The following VWA8 variants were observed in gnomAD, a reference collection of about 807,000 sequenced individuals.
VWA8 encodes the protein von Willebrand factor A domain-containing protein 8.
In VWA8, 221 loss-of-function variants were observed where a neutral mutation model predicts 241.5. The observed-to-expected ratio is 0.91, with a 90% confidence interval of 0.82 to 1.02. The LOEUF is 1.02. Ranked by LOEUF, VWA8 falls within the 50% of genes least tolerant of loss-of-function variation. VWA8 has a pLI of 0.00. For synonymous variants in VWA8, 852 were observed against 827.1 expected (o/e 1.03, Z -0.52); for missense variants, 2,322 against 2,328.7 (o/e 1.00, Z 0.06).
chr13:41,575,655 T>TCTG, intron 43 of VWA8, 85 bp downstream of exon 43: 1 of 950,940 alleles, frequency 1.1e-6, no homozygotes, highest in Non-Finnish European at 1.6e-6. Context: ...TTCCTGTGTA[T>TCTG]CTGCTGCTGC....
At chr13:41,850,185 T>C (rs1282799217) in intron 12 of VWA8, among the ~76,000 whole-genome samples, 5 of 152,212 alleles carry the variant, frequency 3.3e-5, no homozygotes, top group African/African-American at 1.2e-4. Context: ...GTAATGTTTA[T>C]TTTTATACAC....
At chr13:41,682,389 GATC>G (rs2045106771) in intron 35 of VWA8, among the ~76,000 whole-genome samples, 1 of 152,088 alleles carries the variant, frequency 6.6e-6, no homozygotes, top group African/African-American at 2.4e-5. Flanking sequence ...ACTCAAAATG[GATC>G]ATAAATCTAA....
At position 41,701,472 on chromosome 13, in the gene VWA8, A is replaced by G. The variant is rs1444064042; in HGVS notation, c.3284T>C (p.Leu1095Pro). The G allele has an allele frequency of 6.2e-7, 1 of 1,612,366 alleles. No homozygotes were observed. The highest frequency in any genetic ancestry group is 1.3e-5 in the African/African-American group (1 of 74,984). The change falls in exon 28 of 45, where the codon CTA becomes CCA. Residue 1095 changes from leucine (L) to proline (P), a missense_variant. Leu to Pro is a moderately conservative substitution (Grantham distance 98, BLOSUM62 -3). Coordinates refer to ENST00000379310, the MANE Select transcript of VWA8 (RefSeq NM_015058.2). Reference protein sequence around the residue: ...YPIERHEERSLNFTEECASWR... With the variant: ...YPIERHEERSPNFTEECASWR... ...TGAGGCACATTCTTCAGTAAAGTTT[A>G]GGGATCTTTCTTCATGTCTTTCTAT...
At chr13:41,732,049 T>C in intron 22 of VWA8, 31 bp downstream of exon 22, 12 of 1,584,266 alleles carry the variant, frequency 7.6e-6, no homozygotes, top group Non-Finnish European at 9.5e-6. Flanking sequence ...AAAAATACAC[T>C]TGAAAATATT....
chr13:41,867,008 C>T (rs1873343099), intron 10 of VWA8, among the ~76,000 whole-genome samples: 1 of 152,072 alleles, frequency 6.6e-6, no homozygotes, highest in South Asian at 2.1e-4. Flanking sequence ...CCACACGAAC[C>T]AAAGAATTCT....
chr13:41,844,040 G>C (rs756177607), intron 12 of VWA8, among the ~76,000 whole-genome samples: 4 of 152,034 alleles, frequency 2.6e-5, no homozygotes, highest in Non-Finnish European at 5.9e-5. Flanking sequence ...AACAAAGAAA[G>C]TTAAATATAG....
chr13:41,683,093 C>T lies in VWA8; in HGVS notation c.4327+1954G>A, dbSNP rs961987849. ...AAAATGCCATTCCTAGGCATTTACTCAAAAGAAGCAAAACCTTATGTTCAC... is the reference window on the plus strand; with the variant it reads ...AAAATGCCATTCCTAGGCATTTACTTAAAAGAAGCAAAACCTTATGTTCAC... On this transcript the variant is annotated intron_variant, in intron 35 of 44. Coordinates refer to ENST00000379310, the MANE Select transcript of VWA8 (RefSeq NM_015058.2). Among the ~76,000 whole-genome samples the T allele has an allele frequency of 5.9e-5, 9 of 152,134 alleles. No individual in the cohort carries two copies. In the East Asian group the frequency reaches 1.5e-3, roughly 26 times the overall value.
In VWA8 at chr13:41,711,690, C is replaced by T. The variant is rs182650409; in HGVS notation, c.3116+7901G>A. On this transcript the variant is annotated intron_variant, in intron 26 of 44. Coordinates refer to ENST00000379310, the MANE Select transcript of VWA8 (RefSeq NM_015058.2). ...GAGATCGAGACCATCCTAGCTAACACGGTGAAACCCCGTCTCTACTAAAAA... is the reference window on the plus strand; with the variant it reads ...GAGATCGAGACCATCCTAGCTAACATGGTGAAACCCCGTCTCTACTAAAAA... Among the ~76,000 whole-genome samples, 661 of 152,086 alleles carry T rather than the reference C, an allele frequency of 4.3e-3. 3 individuals are homozygous for T. The highest frequency in any genetic ancestry group is 7.2e-3 in the Non-Finnish European group (486 of 67,950).
intron 37 of VWA8, among the ~76,000 whole-genome samples, chr13:41,650,830 T>G (rs34449929): frequency 0.04 from 6,139 of 152,146 alleles, 154 homozygotes; most frequent in South Asian, 0.078. Flanking sequence ...ACAGGCTGCA[T>G]CCAAGGAGGG....
intron 22 of VWA8, among the ~76,000 whole-genome samples, chr13:41,730,466 T>C: frequency 6.6e-6 from 1 of 151,218 alleles, no homozygotes; most frequent in Admixed American, 6.6e-5. Context: ...AAAAAGTGGT[T>C]TGGGAATCTG....
At chr13:41,671,746 C>A (rs114952188) in intron 36 of VWA8, among the ~76,000 whole-genome samples, 1 of 152,102 alleles carries the variant, frequency 6.6e-6, no homozygotes, top group Non-Finnish European at 1.5e-5. Context: ...CCTTCCCCCC[C>A]ATTCATGTTA....
chr13:41,570,469 T>C lies in VWA8; in HGVS notation c.5608A>G (p.Arg1870Gly), dbSNP rs754978387. 1.9e-6 allele frequency: 3 copies of C among 1,613,678 alleles called. No homozygotes were observed. The highest frequency in any genetic ancestry group is 2.5e-6 in the Non-Finnish European group (3 of 1,179,560). Residue 1870 changes from arginine to glycine, a missense_variant and splice_region_variant, in exon 44 of 45, where the codon AGG becomes GGG. By Grantham distance (125) the Arg-to-Gly change is moderately radical. Coordinates refer to ENST00000379310, the MANE Select transcript of VWA8 (RefSeq NM_015058.2). Reference sequence around the variant, plus strand: ...TCTGTATGCTCAGATGACACTTACCTGGTTGCTTGATCACCTAAAGAGCCA... The same window carrying C: ...TCTGTATGCTCAGATGACACTTACCCGGTTGCTTGATCACCTAAAGAGCCA... ...FIGSLGDQAT[R>G]LQRTLPAGRS...
intron 3 of VWA8, among the ~76,000 whole-genome samples, chr13:41,911,126 C>T (rs1341581719): frequency 4.0e-5 from 6 of 148,956 alleles, no homozygotes; most frequent in Non-Finnish European, 7.4e-5. Context: ...TGCAATGGCA[C>T]GATCTTGGCT....
intron 1 of VWA8, among the ~76,000 whole-genome samples, chr13:41,952,963 G>A (rs1376927800): frequency 6.6e-6 from 1 of 152,104 alleles, no homozygotes; most frequent in Non-Finnish European, 1.5e-5. Context: ...AGCAAGCAGA[G>A]AGGGTCACTG....
chr13:41,644,039 T>C (rs17637458), intron 37 of VWA8, among the ~76,000 whole-genome samples: 2 of 152,092 alleles, frequency 1.3e-5, no homozygotes, highest in African/African-American at 4.8e-5. Flanking sequence ...AAACCCAGTA[T>C]CTTTCTCCTG....
At chr13:41,882,165 G>C (rs374457144) in intron 9 of VWA8, among the ~76,000 whole-genome samples, 5 of 151,626 alleles carry the variant, frequency 3.3e-5, no homozygotes, top group Non-Finnish European at 7.4e-5. Context: ...CATCCCAGAC[G>C]GGGCGGCAGG....
chr13:41,823,389 A>C (rs1231692432), intron 14 of VWA8, among the ~76,000 whole-genome samples: 1 of 152,220 alleles, frequency 6.6e-6, no homozygotes, highest in Admixed American at 6.5e-5. Flanking sequence ...ATATAAGTAC[A>C]TCTAAGACTA....
At chr13:41,736,460 T>A (rs970536948) in intron 21 of VWA8, among the ~76,000 whole-genome samples, 12 of 152,170 alleles carry the variant, frequency 7.9e-5, no homozygotes, top group Admixed American at 2.6e-4. Context: ...AACTGGCCTC[T>A]AGAGAGCAAG....
At chr13:41,627,435 A>G (rs2044699270) in intron 37 of VWA8, among the ~76,000 whole-genome samples, 1 of 152,148 alleles carries the variant, frequency 6.6e-6, no homozygotes, top group South Asian at 2.1e-4. Flanking sequence ...ACCAGCCAGG[A>G]GGAAGAGTCA....
Sources: gnomAD v4.1 joint callset for allele counts (sites outside exome capture counted in the v4.1 genomes callset) on GRCh38, gnomAD v4.1.1 for gene constraint, MANE v1.5 for transcripts, NCBI Gene and HGNC (gene_info 2026-07-23, HGNC 2026-07-21) for gene names.